Variants in NHEJ1 observed in about 807,000 individuals in gnomAD.
The protein encoded by NHEJ1 is non-homologous end joining factor 1.
A neutral mutation model predicts 39.4 loss-of-function variants in NHEJ1; 22 were observed. The observed-to-expected ratio is 0.56, with a 90% CI of 0.40 to 0.80. The LOEUF (loss-of-function observed/expected upper bound fraction) is 0.80. Ranked by LOEUF, NHEJ1 falls within the 30% of genes least tolerant of loss-of-function variation. The pLI, the probability that NHEJ1 is intolerant of heterozygous loss-of-function variation, is 0.00. For missense variants in NHEJ1, 329 were observed against 357.1 expected, an observed-to-expected ratio of 0.92 and a Z score of 0.63; for synonymous variants, 154 against 135.6, an observed-to-expected ratio of 1.14 and a Z score of -0.94.
intron 5 of NHEJ1, among the ~76,000 whole-genome samples, chr2:219,128,391 C>G (rs1355047543): frequency 6.6e-6 from 1 of 152,128 alleles, no homozygotes. Context: ...TTGAAAAGCA[C>G]TATTCTAGAA....
At chr2:219,108,791 C>A (rs2106337989) in intron 5 of NHEJ1, among the ~76,000 whole-genome samples, 1 of 151,414 alleles carries the variant, frequency 6.6e-6, no homozygotes, top group Non-Finnish European at 1.5e-5. Context: ...GCATATGAGG[C>A]TTTGTGAAGT....
chr2:219,159,554 T>TATATATGC (rs1553549828), intron 1 of NHEJ1, among the ~76,000 whole-genome samples: 1,190 of 56,260 alleles, frequency 0.021, 89 homozygotes, highest in Non-Finnish European at 0.034. Flanking sequence ...TATATATGCA[T>TATATATGC]ATATATATGC....
At chr2:219,084,339 G>T (rs1949093278) in intron 5 of NHEJ1, among the ~76,000 whole-genome samples, 8 of 152,134 alleles carry the variant, frequency 5.3e-5, no homozygotes, top group Admixed American at 5.2e-4. Flanking sequence ...GATTTATTGG[G>T]ATGCGACCCC....
At chr2:219,104,870 G>A (rs144892649) in intron 5 of NHEJ1, among the ~76,000 whole-genome samples, 1 of 152,326 alleles carries the variant, frequency 6.6e-6, no homozygotes, top group East Asian at 1.9e-4. Context: ...TGAGGCAAAG[G>A]CAATTGCAGA....
intron 5 of NHEJ1, among the ~76,000 whole-genome samples, chr2:219,097,544 C>A (rs768162652): frequency 3.9e-5 from 6 of 152,160 alleles, no homozygotes; most frequent in Non-Finnish European, 7.4e-5. Context: ...TCTTGGCCTT[C>A]CAAGTAACTG....
chr2:219,144,389 A>G (rs1282730979), intron 5 of NHEJ1, among the ~76,000 whole-genome samples: 1 of 152,164 alleles, frequency 6.6e-6, no homozygotes, highest in Admixed American at 6.5e-5. Flanking sequence ...TCTTGCAGGC[A>G]TACAAACAGT....
chr2:219,136,568 C>T (rs149483153), intron 5 of NHEJ1, among the ~76,000 whole-genome samples: 8 of 152,068 alleles, frequency 5.3e-5, no homozygotes, highest in Middle Eastern at 3.4e-3. Context: ...GGATTATAGG[C>T]GTGAGCCACC....
At chr2:219,080,768 TTTTCTACTACTA>T (rs1949059668) in intron 5 of NHEJ1, among the ~76,000 whole-genome samples, 1 of 151,602 alleles carries the variant, frequency 6.6e-6, no homozygotes, top group Non-Finnish European at 1.5e-5. Context: ...CATTTTTGTG[TTTTCTACTACTA>T]TTTCCCTGGC....
chr2:219,158,015 A>T (rs1448805135), intron 2 of NHEJ1, among the ~76,000 whole-genome samples, 171 bp downstream of exon 2: 6 of 150,422 alleles, frequency 4.0e-5, no homozygotes, highest in Non-Finnish European at 7.4e-5. Context: ...ACACACACAC[A>T]CACACACACA....
chr2:219,124,162 C>T (rs1473518323), intron 5 of NHEJ1, among the ~76,000 whole-genome samples: 3 of 152,052 alleles, frequency 2.0e-5, no homozygotes, highest in Non-Finnish European at 4.4e-5. Flanking sequence ...TACAACAGTC[C>T]GTCTCTGACT....
Position 219,074,589 on chromosome 2 carries a change from C to CA in NHEJ1, c.*1791dup. Among the ~76,000 whole-genome samples the CA allele has an allele frequency of 6.6e-6, 1 of 152,014 alleles. No individual in the cohort carries two copies. Among genetic ancestry groups the CA allele is most frequent in the African/African-American group, 2.4e-5 (1 of 41,450 alleles). Reference sequence around the variant, plus strand: ...TGAAACCCTGTCTCTACAAAAAATACAAAAATTAGCCGGGCTTGGTGGCAG... The same window carrying CA: ...TGAAACCCTGTCTCTACAAAAAATACAAAAAATTAGCCGGGCTTGGTGGCAG... On this transcript the variant is annotated 3_prime_UTR_variant, in exon 8 of 8. Coordinates refer to ENST00000356853, the MANE Select transcript of NHEJ1 (RefSeq NM_024782.3).
At position 219,073,687 on chromosome 2, in the gene NHEJ1, T is replaced by C. The variant is rs1948985666; in HGVS notation, c.*2694A>G. On this transcript the variant is annotated 3_prime_UTR_variant, in exon 8 of 8. Transcript: ENST00000356853. ...GCTCGTGTAAACCACCTTATATTAT[T>C]TTTTTTTCTAAAAATACTCCAAAGC... is the stretch of plus-strand genomic sequence containing the variant. Among the ~76,000 whole-genome samples the C allele has an allele frequency of 6.6e-6, 1 of 152,168 alleles. No individual in the cohort carries two copies. The highest frequency in any genetic ancestry group is 1.5e-5 in the Non-Finnish European group (1 of 68,024).
At chr2:219,128,602 C>T (rs899172023) in intron 5 of NHEJ1, among the ~76,000 whole-genome samples, 1 of 152,084 alleles carries the variant, frequency 6.6e-6, no homozygotes, top group Non-Finnish European at 1.5e-5. Context: ...ACAAACTCAG[C>T]ATCCAAGCAC....
intron 5 of NHEJ1, among the ~76,000 whole-genome samples, chr2:219,100,990 G>T (rs571143921): frequency 8.0e-4 from 122 of 152,312 alleles, no homozygotes; most frequent in Non-Finnish European, 1.1e-3. Context: ...ACAATTTGAT[G>T]TGTATCCTCC....
In NHEJ1 at chr2:219,158,252, C is replaced by T; in HGVS notation, c.111G>A (p.Leu37=). The part of the protein sequence containing the change: ...VFITKQGYAL[L]VSDLQQVWHE... ...GCCACACCTGTTGAAGATCTGAAAC[C>T]AACAAGGCATAGCCCTGCTTGGTGA... Residue 37 remains leucine (L), a synonymous_variant, in exon 2 of 8, where the codon TTG becomes TTA. Transcript: ENST00000356853. 2 of 1,614,198 alleles carry T rather than the reference C, an allele frequency of 1.2e-6. No homozygotes were observed. Among genetic ancestry groups the T allele is most frequent in the Non-Finnish European group, 1.7e-6 (2 of 1,180,034 alleles).
chr2:219,142,588 G>A (rs1949701915), intron 5 of NHEJ1, among the ~76,000 whole-genome samples: 1 of 152,258 alleles, frequency 6.6e-6, no homozygotes, highest in Non-Finnish European at 1.5e-5. Flanking sequence ...ACCAGATGGA[G>A]AGAGCGAGGC....
chr2:219,081,763 G>A (rs1314662426), intron 5 of NHEJ1, among the ~76,000 whole-genome samples: 2 of 152,204 alleles, frequency 1.3e-5, no homozygotes, highest in Non-Finnish European at 2.9e-5. Context: ...GAAGAAGAAA[G>A]GGATGAATTT....
intron 5 of NHEJ1, among the ~76,000 whole-genome samples, chr2:219,086,420 A>C (rs1949112433): frequency 6.6e-6 from 1 of 151,890 alleles, no homozygotes; most frequent in African/African-American, 2.4e-5. Flanking sequence ...CCTATCTCCT[A>C]CCCCTGTAAG....
intron 5 of NHEJ1, among the ~76,000 whole-genome samples, chr2:219,126,423 A>G (rs1261497502): frequency 2.0e-5 from 3 of 152,232 alleles, no homozygotes; most frequent in East Asian, 1.9e-4. Context: ...CCTCAAAATA[A>G]TAATTATGTC....
Sources: gnomAD v4.1 joint callset for allele counts (sites outside exome capture counted in the v4.1 genomes callset) on GRCh38, gnomAD v4.1.1 for gene constraint, MANE v1.5 for transcripts, NCBI Gene and HGNC (gene_info 2026-07-23, HGNC 2026-07-21) for gene names.